RAB3GAP1: variants seen among roughly 807,000 people sequenced by gnomAD.
RAB3GAP1 encodes the protein RAB3 GTPase activating protein catalytic subunit 1, also known as rab3 GTPase-activating protein catalytic subunit.
Under a neutral mutation model 130.7 loss-of-function variants are expected in RAB3GAP1, and 86 were observed. The ratio of observed to expected loss-of-function variants is 0.66; its 90% CI spans 0.55 to 0.79. The LOEUF (loss-of-function observed/expected upper bound fraction) is 0.79, where lower values mean the gene tolerates loss of function less well. Among genes scored for constraint, RAB3GAP1 ranks in the 30% least tolerant of loss-of-function variants. RAB3GAP1 has a pLI of 0.00. For synonymous variants in RAB3GAP1, 367 were observed against 401.7 expected, an observed-to-expected ratio of 0.91 and a Z score of 1.03; for missense variants, 1,029 against 1,169.4, an observed-to-expected ratio of 0.88 and a Z score of 1.75.
At chr2:135,076,352 C>T (rs1466900930) in intron 3 of RAB3GAP1, among the ~76,000 whole-genome samples, 1 of 152,184 alleles carries the variant, frequency 6.6e-6, no homozygotes, top group Non-Finnish European at 1.5e-5. Context: ...CACCCATATC[C>T]TCACTCTGTC....
intron 7 of RAB3GAP1, among the ~76,000 whole-genome samples, chr2:135,119,216 C>A (rs547675576): frequency 1.5e-4 from 23 of 152,034 alleles, no homozygotes; most frequent in African/African-American, 5.3e-4. Flanking sequence ...TCAAGCGATT[C>A]TCCTGCCTCA....
chr2:135,058,324 TAA>T, intron 3 of RAB3GAP1: 7 of 290,474 alleles, frequency 2.4e-5, no homozygotes, highest in Non-Finnish European at 3.1e-5. Context: ...TATATATATA[TAA>T]AATGTCATTC....
chr2:135,170,564 G>C lies in RAB3GAP1; in HGVS notation c.*1783G>C, dbSNP rs1345018886. 6.6e-6 allele frequency: 1 copy of C among 152,232 alleles called. No homozygotes were observed. The highest frequency in any genetic ancestry group is 2.1e-4 in the South Asian group (1 of 4,836). 9.4% of individuals were successfully genotyped at this position (152,232 alleles called of 1,614,324 possible). ...AACACACTCCCTTACAGGGAAAACT[G>C]ACACCACGTTGCCACAAAATGTTGA... On this transcript the variant is annotated 3_prime_UTR_variant, in exon 24 of 24. Transcript: ENST00000264158.
rs767582036 is a variant in RAB3GAP1, at chr2:135,113,225, A to G, written c.437A>G (p.Asn146Ser). 13 of 1,614,046 alleles carry G rather than the reference A, an allele frequency of 8.1e-6. No individual in the cohort carries two copies. The highest frequency in any genetic ancestry group is 6.7e-5 in the East Asian group (3 of 44,892). The change falls in exon 6 of 24, where the codon AAC (asparagine) becomes AGC (serine). Residue 146 changes from asparagine to serine, a missense_variant. By Grantham distance (46) the Asn-to-Ser change is conservative. This residue lies in a region of RAB3GAP1 where 510 missense variants were observed against 532.1 expected (regional missense o/e 0.96). Coordinates refer to ENST00000264158, the MANE Select transcript of RAB3GAP1 (RefSeq NM_012233.3). ...SDAVLSESKC[N>S]LLLSSVSIAL... ...GCTGTTCTCAGCGAATCTAAGTGCA[A>G]CCTTCTTCTGAGTTCTGTTTCTATT...
chr2:135,173,836 A>T (rs1692930712), downstream of RAB3GAP1, among the ~76,000 whole-genome samples: 1 of 150,148 alleles, frequency 6.7e-6, no homozygotes, highest in Non-Finnish European at 1.5e-5. Flanking sequence ...TGTAACAGAT[A>T]GGGGTGGGTG....
At chr2:135,105,694 TC>T (rs1033653087) in intron 5 of RAB3GAP1, among the ~76,000 whole-genome samples, 128 of 145,356 alleles carry the variant, frequency 8.8e-4, no homozygotes, top group African/African-American at 3.1e-3. Flanking sequence ...TGGCCGCCAA[TC>T]GTCTGGGATG....
At chr2:135,072,991 A>G (rs553642242) in intron 3 of RAB3GAP1, among the ~76,000 whole-genome samples, 1 of 152,150 alleles carries the variant, frequency 6.6e-6, no homozygotes, top group Non-Finnish European at 1.5e-5. Flanking sequence ...CAGGGGTAGG[A>G]CTATGTAGGT....
intron 23 of RAB3GAP1, among the ~76,000 whole-genome samples, chr2:135,167,212 A>T (rs184255233): frequency 1.2e-4 from 19 of 152,238 alleles, no homozygotes; most frequent in African/African-American, 4.3e-4. Context: ...CTTTTCTTTA[A>T]AATTATAAAT....
intron 15 of RAB3GAP1, among the ~76,000 whole-genome samples, chr2:135,134,810 AC>A (rs1691636090): frequency 6.6e-6 from 1 of 152,176 alleles, no homozygotes. Context: ...GTCTAGAGGA[AC>A]CTAGAACTAG....
At chr2:135,138,867 C>T (rs912608840) in intron 17 of RAB3GAP1, among the ~76,000 whole-genome samples, 3 of 152,094 alleles carry the variant, frequency 2.0e-5, no homozygotes, top group African/African-American at 4.8e-5. Context: ...TCCTCTGTTT[C>T]GGCCTCCCAA....
Position 135,090,992 on chromosome 2 carries a change from A to C in RAB3GAP1, c.151-6A>C. 4 of 1,611,134 alleles carry C rather than the reference A, an allele frequency of 2.5e-6. No individual in the cohort carries two copies. The highest frequency in any genetic ancestry group is 3.4e-6 in the Non-Finnish European group (4 of 1,177,550). Reference sequence around the variant, plus strand: ...AAATATTTTGCCATTTTATTGGTACATATAGGGTATATTTACTTCTGGCAC... The same window carrying C: ...AAATATTTTGCCATTTTATTGGTACCTATAGGGTATATTTACTTCTGGCAC... On this transcript the variant is annotated splice_polypyrimidine_tract_variant and splice_region_variant and intron_variant, in intron 3 of 23. Transcript: ENST00000264158.
intron 3 of RAB3GAP1, among the ~76,000 whole-genome samples, chr2:135,070,249 G>A (rs1326734770): frequency 1.3e-5 from 2 of 152,160 alleles, no homozygotes; most frequent in Admixed American, 1.3e-4. Flanking sequence ...AATGTGTCCC[G>A]GGCTGCAGTC....
chr2:135,086,334 C>T (rs768995039), intron 3 of RAB3GAP1, among the ~76,000 whole-genome samples: 32 of 152,044 alleles, frequency 2.1e-4, no homozygotes, highest in Non-Finnish European at 4.4e-4. Flanking sequence ...TGCTCTTAGC[C>T]GTGCATGAGA....
chr2:135,133,330 A>C (rs1691597950), intron 14 of RAB3GAP1, among the ~76,000 whole-genome samples: 1 of 152,162 alleles, frequency 6.6e-6, no homozygotes, highest in Non-Finnish European at 1.5e-5. Flanking sequence ...TTAATGAAGT[A>C]AAATGTGTAA....
At position 135,117,450 on chromosome 2, in the gene RAB3GAP1, T is replaced by TCTTCTTCTTCTTCTG. The variant is rs1553445221; in HGVS notation, c.648+2074_648+2075insTCTTCTTCTGCTTCT. Among the ~76,000 whole-genome samples, 36 of 88,216 alleles carry TCTTCTTCTTCTTCTG rather than the reference T, an allele frequency of 4.1e-4. No homozygotes were observed. In the South Asian group the frequency reaches 6.7e-3, roughly 16 times the overall value. The allele number at this position is 88,216 out of a possible 152,430, so 57.9% of individuals were successfully genotyped here. A position where few individuals can be genotyped will look rare whatever the true frequency, so the allele number is the denominator to read the frequency against. ...TTCTTCTTCTTCTTCTTCTTCTTCT[T>TCTTCTTCTTCTTCTG]CTTCTGCTTCTGCTTCTGCTTCTGC... On this transcript the variant is annotated intron_variant, in intron 7 of 23. Transcript: ENST00000264158.
chr2:135,063,988 A>T (rs1257166989), intron 3 of RAB3GAP1, among the ~76,000 whole-genome samples: 2 of 152,066 alleles, frequency 1.3e-5, no homozygotes, highest in African/African-American at 4.8e-5. Context: ...TGCTGGCTTG[A>T]TGCTTATTTT....
intron 9 of RAB3GAP1, among the ~76,000 whole-genome samples, chr2:135,125,487 A>G (rs901058816): frequency 2.6e-5 from 4 of 152,242 alleles, no homozygotes; most frequent in African/African-American, 9.6e-5. Flanking sequence ...TAAATGAGGC[A>G]TAGTAAGAGA....
chr2:135,136,845 C>T (rs1691691449), intron 17 of RAB3GAP1: 1 of 427,618 alleles, frequency 2.3e-6, no homozygotes, highest in African/African-American at 2.1e-5. Flanking sequence ...CTGCAAGCCC[C>T]ACACCAAGGT....
intron 3 of RAB3GAP1, among the ~76,000 whole-genome samples, chr2:135,081,105 G>C (rs947808876): frequency 1.3e-5 from 2 of 151,314 alleles, no homozygotes; most frequent in African/African-American, 2.4e-5. Flanking sequence ...ACCATATTAC[G>C]TATTATATCC....
Sources: allele counts gnomAD v4.1 joint callset (sites outside exome capture counted in the v4.1 genomes callset), GRCh38; gene constraint gnomAD v4.1.1; regional missense constraint gnomAD v4.1.1; transcripts MANE v1.5; gene names NCBI Gene and HGNC (gene_info 2026-07-23, HGNC 2026-07-21).